The following RGS17 variants were observed in gnomAD, a reference collection of about 807,000 sequenced individuals.
RGS17 encodes the protein regulator of G protein signaling 17.
RGS17 carries 12 observed loss-of-function variants against 25.5 expected under a neutral mutation model. The ratio of observed to expected loss-of-function variants is 0.47; its 90% CI spans 0.30 to 0.76. The LOEUF is 0.76. RGS17 is among the 30% of genes least tolerant of loss of function. The probability of loss-of-function intolerance (pLI) is 0.07; values close to 1 mark genes in which losing one functional copy is unlikely to be tolerated. For synonymous variants in RGS17, 71 were observed against 76.9 expected, an observed-to-expected ratio of 0.92 and a Z score of 0.40; for missense variants, 196 against 242.2, an observed-to-expected ratio of 0.81 and a Z score of 1.27.
intron 1 of RGS17, among the ~76,000 whole-genome samples, chr6:153,121,759 G>T (rs1451724516): frequency 6.6e-6 from 1 of 152,112 alleles, no homozygotes; most frequent in Non-Finnish European, 1.5e-5. Flanking sequence ...GAAAACTTGG[G>T]AATAGATTCT....
chr6:153,119,799 T>C (rs1777599658), intron 1 of RGS17, among the ~76,000 whole-genome samples: 3 of 152,236 alleles, frequency 2.0e-5, no homozygotes, highest in East Asian at 1.9e-4. Context: ...TAAGACACAT[T>C]GAATATGAAA....
chr6:153,087,891 T>A (rs905960656), intron 1 of RGS17, among the ~76,000 whole-genome samples: 1 of 152,306 alleles, frequency 6.6e-6, no homozygotes, highest in Admixed American at 6.5e-5. Context: ...TCCACACCAA[T>A]GTATAATCCT....
At chr6:153,082,398 T>C (rs1381421102) in intron 1 of RGS17, among the ~76,000 whole-genome samples, 1 of 152,176 alleles carries the variant, frequency 6.6e-6, no homozygotes, top group Admixed American at 6.5e-5. Flanking sequence ...CAGTATTTTT[T>C]TTCCTCTCTG....
At chr6:153,096,099 C>T (rs915761441) in intron 1 of RGS17, among the ~76,000 whole-genome samples, 4 of 152,182 alleles carry the variant, frequency 2.6e-5, no homozygotes, top group Non-Finnish European at 4.4e-5. Flanking sequence ...CTTTGAACAA[C>T]GTGCTACTGG....
At chr6:153,015,711 T>C (rs978811499) in intron 4 of RGS17, among the ~76,000 whole-genome samples, 1 of 151,910 alleles carries the variant, frequency 6.6e-6, no homozygotes, top group African/African-American at 2.4e-5. Flanking sequence ...TGGAGTGCAG[T>C]GGCGCGATCT....
rs756956115 is a variant in RGS17, at chr6:153,024,485, G to A, written c.221C>T (p.Thr74Ile). 13 of 1,613,944 alleles carry A rather than the reference G, an allele frequency of 8.1e-6. 1 individual carries two copies. The highest frequency in any genetic ancestry group is 6.6e-5 in the South Asian group (6 of 91,076). ...IQVLEECQNPTAEEVLSWSQN... is the reference protein window; with the variant it reads ...IQVLEECQNPIAEEVLSWSQN... Reference sequence around the variant, plus strand: ...AGACCAGGACAAGACTTCCTCTGCAGTGGGGTTTTGGCTGCAGAGACAGAA... The same window carrying A: ...AGACCAGGACAAGACTTCCTCTGCAATGGGGTTTTGGCTGCAGAGACAGAA... The change falls in exon 4 of 5, where the codon ACT (threonine) becomes ATT (isoleucine). Residue 74 changes from threonine (T) to isoleucine (I), a missense_variant. Physicochemically the swap from Thr to Ile is moderately conservative, Grantham distance 89 (BLOSUM62 -1). Transcript: ENST00000206262.
At chr6:153,013,520 A>T (rs916606578) in intron 4 of RGS17, among the ~76,000 whole-genome samples, 2 of 152,224 alleles carry the variant, frequency 1.3e-5, no homozygotes, top group Non-Finnish European at 2.9e-5. Flanking sequence ...ACATTAAATA[A>T]AAAGCTAAGA....
intron 1 of RGS17, among the ~76,000 whole-genome samples, chr6:153,101,439 C>T (rs1658989660): frequency 6.6e-6 from 1 of 152,186 alleles, no homozygotes; most frequent in Admixed American, 6.5e-5. Context: ...CAAGGGAAGA[C>T]TGCATCTATT....
At chr6:153,011,868 C>T in intron 4 of RGS17, 106 bp from the exon 5 acceptor site, 1 of 754,718 alleles carries the variant, frequency 1.3e-6, no homozygotes, top group Non-Finnish European at 2.1e-6. Context: ...AAGAGCAAAT[C>T]CAACTACCAA....
At chr6:153,068,371 C>G (rs1050099739) in intron 1 of RGS17, among the ~76,000 whole-genome samples, 5 of 152,136 alleles carry the variant, frequency 3.3e-5, no homozygotes, top group African/African-American at 1.2e-4. Context: ...CACTTGAACC[C>G]AGGAGGCAGA....
At chr6:153,101,721 C>T (rs1377435549) in intron 1 of RGS17, among the ~76,000 whole-genome samples, 1 of 152,070 alleles carries the variant, frequency 6.6e-6, no homozygotes, top group Non-Finnish European at 1.5e-5. Flanking sequence ...TTCCTCCTTG[C>T]TGTTCTTGTG....
chr6:153,072,503 AATC>A (rs1776819198), intron 1 of RGS17, among the ~76,000 whole-genome samples: 3 of 152,220 alleles, frequency 2.0e-5, no homozygotes, highest in Non-Finnish European at 4.4e-5. Context: ...AGGAAACTGA[AATC>A]AGAGAGATCA....
chr6:153,105,450 T>TA (rs541483994), intron 1 of RGS17, among the ~76,000 whole-genome samples: 1 of 151,968 alleles, frequency 6.6e-6, no homozygotes, highest in African/African-American at 2.4e-5. Flanking sequence ...TAAAATAAAA[T>TA]AAAAAATAAA....
At chr6:153,034,492 G>A (rs1014889855) in intron 2 of RGS17, among the ~76,000 whole-genome samples, 1 of 152,214 alleles carries the variant, frequency 6.6e-6, no homozygotes, top group African/African-American at 2.4e-5. Flanking sequence ...CTGGGCCTGA[G>A]ACTTGTAAAG....
chr6:153,104,997 G>C (rs1434945563), intron 1 of RGS17, among the ~76,000 whole-genome samples: 1 of 152,196 alleles, frequency 6.6e-6, no homozygotes, highest in African/African-American at 2.4e-5. Context: ...ATGAACAGCT[G>C]AGAGGCTGGA....
chr6:153,049,898 GT>G (rs2129111695), intron 1 of RGS17, among the ~76,000 whole-genome samples: 1 of 152,246 alleles, frequency 6.6e-6, no homozygotes, highest in Admixed American at 6.5e-5. Flanking sequence ...GGGGGTGTTT[GT>G]TCTATCAATA....
chr6:153,097,095 C>T (rs554154503), intron 1 of RGS17, among the ~76,000 whole-genome samples: 1 of 152,068 alleles, frequency 6.6e-6, no homozygotes, highest in Non-Finnish European at 1.5e-5. Flanking sequence ...GTAAACTAGT[C>T]AGCTATTCTT....
At chr6:153,104,918 T>TGGGGGAGGAACATTTCAGGCA (rs1456217573) in intron 1 of RGS17, among the ~76,000 whole-genome samples, 1 of 151,578 alleles carries the variant, frequency 6.6e-6, no homozygotes, top group African/African-American at 2.4e-5. Flanking sequence ...CATGGATATC[T>TGGGGGAGGAACATTTCAGGCA]GGGGGAGGAA....
At chr6:153,114,474 G>A (rs901580026) in intron 1 of RGS17, among the ~76,000 whole-genome samples, 2 of 152,102 alleles carry the variant, frequency 1.3e-5, no homozygotes, top group African/African-American at 4.8e-5. Flanking sequence ...AGGACCAGAT[G>A]GATTCACAGC....
Sources: allele counts gnomAD v4.1 joint callset (sites outside exome capture counted in the v4.1 genomes callset), GRCh38; gene constraint gnomAD v4.1.1; transcripts MANE v1.5; gene names NCBI Gene and HGNC (gene_info 2026-07-23, HGNC 2026-07-21).